Variants in FRMD4A observed in about 807,000 individuals in gnomAD.
The protein encoded by FRMD4A is FERM domain-containing protein 4A.
A neutral mutation model predicts 129.1 loss-of-function variants in FRMD4A; 29 were observed. That is an observed-to-expected ratio of 0.22 (90% CI 0.17 to 0.31). FRMD4A has a LOEUF of 0.31. FRMD4A is among the 10% of genes least tolerant of loss of function. FRMD4A has a pLI of 1.00. For synonymous variants in FRMD4A, 634 were observed against 571.6 expected (o/e 1.11, Z -1.56); for missense variants, 1,272 against 1,375.8 (o/e 0.92, Z 1.19).
rs1280716396 is a variant in FRMD4A, at chr10:13,783,011, A to G, written c.300-5T>C. Reference sequence around the variant, plus strand: ...GAAATGCTTTCTATATAGAACCTGAAAGAGAAAAATGGTGCGTGAACCACA... The same window carrying G: ...GAAATGCTTTCTATATAGAACCTGAGAGAGAAAAATGGTGCGTGAACCACA... On this transcript the variant is annotated splice_polypyrimidine_tract_variant and splice_region_variant and intron_variant, in intron 5 of 24. Transcript: ENST00000357447. The G allele has an allele frequency of 8.5e-7, 1 of 1,182,058 alleles. No individual in the cohort carries two copies. Among genetic ancestry groups the G allele is most frequent in the Non-Finnish European group, 1.3e-6 (1 of 785,356 alleles). The allele number at this position is 1,182,058 out of a possible 1,614,324, so 73.2% of individuals were successfully genotyped here. A position where few individuals can be genotyped will look rare whatever the true frequency, so the allele number is the denominator to read the frequency against.
intron 6 of FRMD4A, among the ~76,000 whole-genome samples, chr10:13,764,372 G>T (rs565385150): frequency 1.1e-4 from 16 of 152,038 alleles, no homozygotes; most frequent in Non-Finnish European, 1.6e-4. Flanking sequence ...TGGAGTGGTG[G>T]TGTATGCCTG....
intron 2 of FRMD4A, among the ~76,000 whole-genome samples, chr10:14,227,740 C>G (rs1843494545): frequency 6.6e-6 from 1 of 152,166 alleles, no homozygotes; most frequent in Non-Finnish European, 1.5e-5. Flanking sequence ...GCATGAGATG[C>G]TATTGGTCAC....
intron 2 of FRMD4A, among the ~76,000 whole-genome samples, chr10:14,181,776 G>C (rs771753628): frequency 6.6e-6 from 1 of 151,922 alleles, no homozygotes; most frequent in African/African-American, 2.4e-5. Context: ...CTGCAACCTC[G>C]GCTTCCTAAG....
intron 2 of FRMD4A, among the ~76,000 whole-genome samples, chr10:14,102,146 T>G (rs1180118826): frequency 6.6e-6 from 1 of 152,178 alleles, no homozygotes; most frequent in Non-Finnish European, 1.5e-5. Context: ...ATTGGAAGAT[T>G]CTTTCCTAAA....
rs1252049933 is a variant in FRMD4A at position 13,821,308 on chromosome 10, T to C, written c.112-10400A>G. Among the ~76,000 whole-genome samples the C allele has an allele frequency of 6.6e-6, 1 of 152,102 alleles. No homozygotes were observed. The highest frequency in any genetic ancestry group is 1.5e-5 in the Non-Finnish European group (1 of 67,998). ...CAGGGGACACAGGGAGGCTACTTCC[T>C]GTAGGCAGACGGGTGTGAAGAACAA... On this transcript the variant is annotated intron_variant, in intron 3 of 24. Coordinates refer to ENST00000357447, the MANE Select transcript of FRMD4A (RefSeq NM_018027.5). This position sits in a 1 kb window ranked among gnomAD's most constrained non-coding sequence, Gnocchi z 4.3.
At chr10:13,950,003 T>A (rs1483353346) in intron 2 of FRMD4A, among the ~76,000 whole-genome samples, 1 of 152,252 alleles carries the variant, frequency 6.6e-6, no homozygotes, top group Non-Finnish European at 1.5e-5. Context: ...TCACAACATC[T>A]CAGAAAATAT....
At chr10:13,803,492 T>A (rs902526981) in intron 4 of FRMD4A, among the ~76,000 whole-genome samples, 1 of 145,160 alleles carries the variant, frequency 6.9e-6, no homozygotes, top group African/African-American at 2.5e-5. Context: ...CCACCACTCC[T>A]GGCTAATTAA....
At chr10:14,255,049 C>T (rs1034622841) in intron 2 of FRMD4A, among the ~76,000 whole-genome samples, 1 of 152,152 alleles carries the variant, frequency 6.6e-6, no homozygotes, top group Admixed American at 6.5e-5. Context: ...CACTGAAATG[C>T]CTGTGGAGTA....
intron 6 of FRMD4A, among the ~76,000 whole-genome samples, chr10:13,769,309 C>A (rs1396269745): frequency 6.8e-6 from 1 of 147,188 alleles, no homozygotes; most frequent in Non-Finnish European, 1.5e-5. Flanking sequence ...CCAAGGGTTA[C>A]CCAGATTATT....
Position 14,091,896 on chromosome 10 carries a change from A to G in FRMD4A, c.46-232984T>C, listed in dbSNP as rs573533720. Among the ~76,000 whole-genome samples, 20 of 152,336 alleles carry G rather than the reference A, an allele frequency of 1.3e-4. 1 individual carries two copies. In the South Asian group the frequency reaches 3.7e-3, roughly 28 times the overall value. Reference sequence around the variant, plus strand: ...GAATCACCCATGTTCTTAACAACTTAGGTTACTCCTTTCAAGGAAATGAAC... The same window carrying G: ...GAATCACCCATGTTCTTAACAACTTGGGTTACTCCTTTCAAGGAAATGAAC... On this transcript the variant is annotated intron_variant, in intron 2 of 24. Transcript: ENST00000357447.
intron 5 of FRMD4A, among the ~76,000 whole-genome samples, chr10:13,789,804 T>TGTGTGTGTGTGTGTGTG (rs1554898662): frequency 9.6e-6 from 1 of 104,108 alleles, no homozygotes; most frequent in African/African-American, 3.5e-5. Flanking sequence ...TGTGTGTGTG[T>TGTGTGTGTGTGTGTGTG]TGTGTGGTGA....
At chr10:14,157,609 T>C (rs1840667981) in intron 2 of FRMD4A, among the ~76,000 whole-genome samples, 1 of 152,240 alleles carries the variant, frequency 6.6e-6, no homozygotes, top group Non-Finnish European at 1.5e-5. Flanking sequence ...CAGCCCTTGC[T>C]GTGGGTGAGC....
chr10:13,658,697 A>G (rs2082382934), intron 21 of FRMD4A, among the ~76,000 whole-genome samples: 1 of 152,208 alleles, frequency 6.6e-6, no homozygotes, highest in Non-Finnish European at 1.5e-5. Flanking sequence ...CCTGGCCAAC[A>G]TGGTGAAACC....
At chr10:13,730,559 A>G (rs1049859821) in intron 12 of FRMD4A, among the ~76,000 whole-genome samples, 8 of 151,998 alleles carry the variant, frequency 5.3e-5, no homozygotes, top group East Asian at 1.9e-4. Flanking sequence ...CTAAATGCCA[A>G]CCTGACACTG....
intron 14 of FRMD4A, among the ~76,000 whole-genome samples, chr10:13,700,024 A>G (rs539169611): frequency 1.3e-5 from 2 of 152,214 alleles, no homozygotes; most frequent in Non-Finnish European, 2.9e-5. Flanking sequence ...TACAAAGGAT[A>G]AAATGACGGC....
chr10:13,761,931 A>G (rs544838863), intron 7 of FRMD4A, among the ~76,000 whole-genome samples: 1 of 152,238 alleles, frequency 6.6e-6, no homozygotes, highest in Non-Finnish European at 1.5e-5. Flanking sequence ...TCCACCTCTA[A>G]GCCTGGGTCT....
chr10:14,279,182 A>ATTTTTTTTTTTTTTTTT (rs1223887250), intron 2 of FRMD4A, among the ~76,000 whole-genome samples: 2 of 99,622 alleles, frequency 2.0e-5, no homozygotes, highest in African/African-American at 4.1e-5. Context: ...AGGAAGCGGG[A>ATTTTTTTTTTTTTTTTT]TTTTTTTTTT....
chr10:13,850,478 G>C (rs1036645186), intron 3 of FRMD4A, among the ~76,000 whole-genome samples: 1 of 152,108 alleles, frequency 6.6e-6, no homozygotes, highest in African/African-American at 2.4e-5. Flanking sequence ...CTGCTAGCCC[G>C]AGACTTACGC....
chr10:13,949,881 A>C (rs896418119), intron 2 of FRMD4A, among the ~76,000 whole-genome samples: 2 of 152,226 alleles, frequency 1.3e-5, no homozygotes, highest in African/African-American at 4.8e-5. Flanking sequence ...TTTCAGAAGC[A>C]CTGGGGTATG....
Sources: allele counts gnomAD v4.1 joint callset (sites outside exome capture counted in the v4.1 genomes callset), GRCh38; gene constraint gnomAD v4.1.1; non-coding constraint Gnocchi (gnomAD v3.1); transcripts MANE v1.5; gene names NCBI Gene and HGNC (gene_info 2026-07-23, HGNC 2026-07-21).